Variants in TSC22D1 observed in about 807,000 individuals in gnomAD.
TSC22D1 encodes the protein TSC22 domain family protein 1.
In TSC22D1, 9 loss-of-function variants were observed where a neutral mutation model predicts 74.2. The ratio of observed to expected loss-of-function variants is 0.12; its 90% CI spans 0.07 to 0.21. The LOEUF is 0.21. Ranked by LOEUF, TSC22D1 falls within the 10% of genes least tolerant of loss-of-function variation. The probability of loss-of-function intolerance (pLI) is 1.00; values close to 1 mark genes in which losing one functional copy is unlikely to be tolerated. For missense variants in TSC22D1, 1,427 were observed against 1,304.7 expected (o/e 1.09, Z -1.44); for synonymous variants, 586 against 492.5 (o/e 1.19, Z -2.51).
chr13:44,446,569 C>T lies in TSC22D1; in HGVS notation c.2913-10474G>A, dbSNP rs539112847. On this transcript the variant is annotated intron_variant, in intron 1 of 2. Transcript: ENST00000458659. ...CACTTGGGCAACGGGATTATTAGAACCCCAAGACTCAGCATCACATAACAT... is the reference window on the plus strand; with the variant it reads ...CACTTGGGCAACGGGATTATTAGAATCCCAAGACTCAGCATCACATAACAT... 2.0e-4 allele frequency among the ~76,000 whole-genome samples: 30 copies of T among 152,204 alleles called. No individual in the cohort carries two copies. In the South Asian group the frequency reaches 5.2e-3, roughly 26 times the overall value.
At chr13:44,554,630 C>CAAA (rs59922380) in intron 1 of TSC22D1, among the ~76,000 whole-genome samples, 429 of 68,208 alleles carry the variant, frequency 6.3e-3, no homozygotes, top group Middle Eastern at 0.036. Flanking sequence ...ATACCAGGAA[C>CAAA]AAAAAAAAAA....
chr13:44,549,092 G>A (rs1232923425), intron 1 of TSC22D1, among the ~76,000 whole-genome samples: 1 of 152,054 alleles, frequency 6.6e-6, no homozygotes, highest in Non-Finnish European at 1.5e-5. Flanking sequence ...GAATGCTGTG[G>A]CTGACCTGAA....
At chr13:44,489,757 T>C (rs1305053789) in intron 1 of TSC22D1, among the ~76,000 whole-genome samples, 3 of 152,116 alleles carry the variant, frequency 2.0e-5, no homozygotes, top group Non-Finnish European at 4.4e-5. Flanking sequence ...TATATCCAAA[T>C]AGTCTGTCTG....
intron 1 of TSC22D1, among the ~76,000 whole-genome samples, chr13:44,554,661 C>T (rs866846877): frequency 7.2e-6 from 1 of 139,442 alleles, no homozygotes; most frequent in African/African-American, 2.6e-5. Flanking sequence ...AAAAGAGGTA[C>T]TGTTAAAAAC....
intron 1 of TSC22D1, among the ~76,000 whole-genome samples, chr13:44,555,666 C>T (rs1256364715): frequency 6.6e-6 from 1 of 151,858 alleles, no homozygotes. Context: ...TCTTCAAGCA[C>T]TTTGAGAACA....
chr13:44,480,554 G>T (rs1483150434), intron 1 of TSC22D1, among the ~76,000 whole-genome samples: 6 of 152,178 alleles, frequency 3.9e-5, no homozygotes, highest in African/African-American at 1.4e-4. Flanking sequence ...AATTTAGGAT[G>T]ATGCAGGGTT....
chr13:44,527,181 T>G (rs988457268), intron 1 of TSC22D1, among the ~76,000 whole-genome samples: 5 of 152,052 alleles, frequency 3.3e-5, no homozygotes, highest in Non-Finnish European at 7.4e-5. Context: ...AAAAAAATGT[T>G]AAAAGTTCTT....
intron 1 of TSC22D1, among the ~76,000 whole-genome samples, chr13:44,509,952 A>G (rs1566145594): frequency 2.2e-5 from 1 of 45,258 alleles, no homozygotes; most frequent in East Asian, 1.0e-3. Flanking sequence ...AAAATAAGCA[A>G]AAAAAAAAAA....
At chr13:44,443,010 TAGTGA>T (rs1346964108) in intron 1 of TSC22D1, among the ~76,000 whole-genome samples, 2 of 147,706 alleles carry the variant, frequency 1.4e-5, no homozygotes. Flanking sequence ...AATATATCTG[TAGTGA>T]AGTCCCTGAA....
rs372128968 is a variant in TSC22D1, at chr13:44,491,977, T to G, written c.2913-55882A>C. ...CTTCTTAAGCACACACATAAAAATG[T>G]TCATACTAGCATTGTTCATCTTCAC... On this transcript the variant is annotated intron_variant, in intron 1 of 2. Transcript: ENST00000458659. 1.3e-3 allele frequency among the ~76,000 whole-genome samples: 200 copies of G among 152,300 alleles called. 2 individuals are homozygous for G. In the South Asian group the frequency reaches 0.015, roughly 12 times the overall value.
rs1029146537 is a variant in TSC22D1 at position 44,574,767 on chromosome 13, T to G, written c.1308A>C (p.Val436=). The G allele has an allele frequency of 6.2e-7, 1 of 1,614,078 alleles. No homozygotes were observed. Among genetic ancestry groups the G allele is most frequent in the Non-Finnish European group, 8.5e-7 (1 of 1,180,028 alleles). The change falls in exon 1 of 3, where the codon GTA becomes GTC. Residue 436 remains valine (V), a synonymous_variant. Coordinates refer to ENST00000458659, the MANE Select transcript of TSC22D1 (RefSeq NM_183422.4). ...TTATCAGCACACCTTCTGTAGCAGG[T>G]ACAGCATTTTCTTTTTCATAGAACT... is the stretch of plus-strand genomic sequence containing the variant. The part of the protein sequence containing the change: ...CTEFYEKENA[V]PATEGVLINK...
chr13:44,498,654 CCATT>C (rs1191320068), intron 1 of TSC22D1, among the ~76,000 whole-genome samples: 1 of 152,158 alleles, frequency 6.6e-6, no homozygotes, highest in African/African-American at 2.4e-5. Flanking sequence ...AAATGTTCAT[CCATT>C]CAGTCATTCA....
chr13:44,435,164 T>G (rs962900665), intron 2 of TSC22D1: 28 of 325,246 alleles, frequency 8.6e-5, no homozygotes, highest in Non-Finnish European at 1.5e-4. Context: ...AGCCGGGCGC[T>G]GGGTCCCCGA....
At chr13:44,545,030 CTAAA>C (rs1173102935) in intron 1 of TSC22D1, among the ~76,000 whole-genome samples, 1 of 152,088 alleles carries the variant, frequency 6.6e-6, no homozygotes, top group Non-Finnish European at 1.5e-5. Flanking sequence ...GTCAAGAAAA[CTAAA>C]TATAAAAATG....
At chr13:44,525,053 C>A (rs1880482965) in intron 1 of TSC22D1, among the ~76,000 whole-genome samples, 1 of 152,090 alleles carries the variant, frequency 6.6e-6, no homozygotes, top group Non-Finnish European at 1.5e-5. Flanking sequence ...AAAGCCTGAC[C>A]AAGTGGAATA....
chr13:44,549,587 A>G (rs1882070818), intron 1 of TSC22D1, among the ~76,000 whole-genome samples: 1 of 151,978 alleles, frequency 6.6e-6, no homozygotes, highest in Non-Finnish European at 1.5e-5. Context: ...AGCCTAAGCA[A>G]CATGGTGAAA....
chr13:44,536,378 G>C (rs1243742698), intron 1 of TSC22D1, among the ~76,000 whole-genome samples: 1 of 151,700 alleles, frequency 6.6e-6, no homozygotes, highest in Non-Finnish European at 1.5e-5. Flanking sequence ...GCATAGAAAA[G>C]GTAAATTGTT....
intron 1 of TSC22D1, among the ~76,000 whole-genome samples, chr13:44,519,384 C>A (rs1375812833): frequency 6.6e-6 from 1 of 152,126 alleles, no homozygotes; most frequent in East Asian, 1.9e-4. Flanking sequence ...AGATCCTGGT[C>A]TCTCACAGGA....
chr13:44,479,491 T>C (rs958560408), intron 1 of TSC22D1, among the ~76,000 whole-genome samples: 1 of 152,180 alleles, frequency 6.6e-6, no homozygotes, highest in Non-Finnish European at 1.5e-5. Flanking sequence ...CAAAGCAATA[T>C]ACTGTGCTTT....
Sources: allele counts gnomAD v4.1 joint callset (sites outside exome capture counted in the v4.1 genomes callset), GRCh38; gene constraint gnomAD v4.1.1; transcripts MANE v1.5; gene names NCBI Gene and HGNC (gene_info 2026-07-23, HGNC 2026-07-21).